Variants in KCNMB2 observed in about 807,000 individuals in gnomAD.
KCNMB2 encodes potassium calcium-activated channel subfamily M regulatory beta subunit 2.
Under a neutral mutation model 24.5 loss-of-function variants are expected in KCNMB2, and 9 were observed. That is an observed-to-expected ratio of 0.37 (90% CI 0.22 to 0.64). The LOEUF is 0.64. Ranked by LOEUF, KCNMB2 falls within the 30% of genes least tolerant of loss-of-function variation. KCNMB2 has a pLI of 0.63. For missense variants in KCNMB2, 226 were observed against 284.3 expected, an observed-to-expected ratio of 0.79 and a Z score of 1.47; for synonymous variants, 109 against 104.4, an observed-to-expected ratio of 1.04 and a Z score of -0.27.
chr3:178,629,195 G>A (rs1190325669), intron 1 of KCNMB2, among the ~76,000 whole-genome samples: 5 of 152,002 alleles, frequency 3.3e-5, no homozygotes, highest in Admixed American at 6.6e-5. Context: ...CATATTAAGC[G>A]ACTCATTGTC....
At chr3:178,677,659 G>A (rs935377501) in intron 1 of KCNMB2, among the ~76,000 whole-genome samples, 8 of 152,172 alleles carry the variant, frequency 5.3e-5, no homozygotes, top group East Asian at 1.9e-4. Flanking sequence ...CAAAAATCAC[G>A]AGGTTTTCAC....
chr3:178,712,709 C>T (rs1400582892), intron 1 of KCNMB2, among the ~76,000 whole-genome samples: 3 of 152,180 alleles, frequency 2.0e-5, no homozygotes, highest in Admixed American at 6.5e-5. Context: ...CAAGGTCGTA[C>T]ACGTGATAAA....
intron 1 of KCNMB2, among the ~76,000 whole-genome samples, chr3:178,607,461 T>C (rs1048365800): frequency 1.3e-5 from 2 of 152,186 alleles, no homozygotes; most frequent in Non-Finnish European, 2.9e-5. Context: ...AACTTCTTGT[T>C]CTAGACTGCC....
intron 1 of KCNMB2, among the ~76,000 whole-genome samples, chr3:178,654,633 A>C (rs1720254281): frequency 6.6e-6 from 1 of 152,196 alleles, no homozygotes. Flanking sequence ...ATTATATTCC[A>C]ATACTTAGAC....
chr3:178,573,351 G>T (rs1716874113), intron 1 of KCNMB2, among the ~76,000 whole-genome samples: 1 of 151,986 alleles, frequency 6.6e-6, no homozygotes, highest in African/African-American at 2.4e-5. Context: ...ATGAATTAAG[G>T]TCTAAATCAG....
At chr3:178,778,912 CA>C (rs1325306665) in intron 1 of KCNMB2, among the ~76,000 whole-genome samples, 37 of 152,002 alleles carry the variant, frequency 2.4e-4, no homozygotes, top group African/African-American at 8.7e-4. Flanking sequence ...TAAAGTTTTG[CA>C]TAACTTGGAG....
chr3:178,812,663 T>C (rs1470534865), intron 2 of KCNMB2, among the ~76,000 whole-genome samples: 3 of 152,160 alleles, frequency 2.0e-5, no homozygotes, highest in Non-Finnish European at 4.4e-5. Flanking sequence ...AGTTTTTATA[T>C]GGATAACCAA....
intron 1 of KCNMB2, among the ~76,000 whole-genome samples, chr3:178,568,572 T>G (rs374137089): frequency 6.6e-6 from 1 of 152,202 alleles, no homozygotes; most frequent in East Asian, 1.9e-4. Flanking sequence ...GGATAGTCAA[T>G]CAGCTTAATA....
chr3:178,786,273 A>C (rs1713095406), intron 1 of KCNMB2, among the ~76,000 whole-genome samples: 1 of 152,202 alleles, frequency 6.6e-6, no homozygotes, highest in South Asian at 2.1e-4. Flanking sequence ...ATTGGATAGA[A>C]TAGGTCCAGT....
At chr3:178,663,488 C>T (rs1328412999) in intron 1 of KCNMB2, among the ~76,000 whole-genome samples, 2 of 152,118 alleles carry the variant, frequency 1.3e-5, no homozygotes, top group Non-Finnish European at 1.5e-5. Context: ...AAACTGCCAC[C>T]TTATGAAACA....
chr3:178,570,450 A>G (rs1716732100), intron 1 of KCNMB2, among the ~76,000 whole-genome samples: 1 of 151,998 alleles, frequency 6.6e-6, no homozygotes, highest in Non-Finnish European at 1.5e-5. Flanking sequence ...CCCAACTGCA[A>G]TAGAAGGTCA....
intron 1 of KCNMB2, among the ~76,000 whole-genome samples, chr3:178,765,308 G>A (rs1004363604): frequency 2.6e-5 from 4 of 152,104 alleles, no homozygotes; most frequent in Non-Finnish European, 5.9e-5. Context: ...CCTGTCACTG[G>A]CCAACTAGTA....
At chr3:178,638,308 A>G (rs2902434) in intron 1 of KCNMB2, among the ~76,000 whole-genome samples, 1 of 151,958 alleles carries the variant, frequency 6.6e-6, no homozygotes, top group Non-Finnish European at 1.5e-5. Flanking sequence ...TCAACCAAAC[A>G]TTTTTTGGTT....
chr3:178,624,614 A>T (rs6771470), intron 1 of KCNMB2, among the ~76,000 whole-genome samples: 11,659 of 144,662 alleles, frequency 0.081, 558 homozygotes, highest in Middle Eastern at 0.2. Flanking sequence ...TTTTTTTTTT[A>T]AAAAAGGCAT....
chr3:178,681,083 C>G (rs1452831509), intron 1 of KCNMB2, among the ~76,000 whole-genome samples: 1 of 152,122 alleles, frequency 6.6e-6, no homozygotes, highest in Non-Finnish European at 1.5e-5. Context: ...GCTTAGCTGC[C>G]TATTAAAATC....
chr3:178,744,877 T>A (rs1723612825), intron 1 of KCNMB2, among the ~76,000 whole-genome samples: 2 of 152,296 alleles, frequency 1.3e-5, no homozygotes, highest in South Asian at 4.1e-4. Context: ...TTCTTCTTGC[T>A]GCTACTCATC....
At chr3:178,623,910 G>A (rs921559439) in intron 1 of KCNMB2, among the ~76,000 whole-genome samples, 1 of 152,156 alleles carries the variant, frequency 6.6e-6, no homozygotes, top group African/African-American at 2.4e-5. Context: ...CTCATTGGAA[G>A]AATATTTGCC....
chr3:178,625,365 G>A (rs772521054), intron 1 of KCNMB2, among the ~76,000 whole-genome samples: 62 of 152,190 alleles, frequency 4.1e-4, no homozygotes, highest in Non-Finnish European at 5.9e-4. Flanking sequence ...CCTGGAAGTC[G>A]GGGAGCAGCC....
intron 2 of KCNMB2, among the ~76,000 whole-genome samples, chr3:178,810,887 A>AC (rs1489245505): frequency 6.9e-6 from 1 of 145,970 alleles, no homozygotes; most frequent in East Asian, 2.0e-4. Flanking sequence ...GGCGCCCGCC[A>AC]CCACACCTGG....
Sources: allele counts gnomAD v4.1 joint callset (sites outside exome capture counted in the v4.1 genomes callset), GRCh38; gene constraint gnomAD v4.1.1; transcripts MANE v1.5; gene names NCBI Gene and HGNC (gene_info 2026-07-23, HGNC 2026-07-21).